HSPH1: variants seen among roughly 807,000 people sequenced by gnomAD.
The protein encoded by HSPH1 is heat shock protein 105 kDa.
A neutral mutation model predicts 100.0 loss-of-function variants in HSPH1; 40 were observed. The ratio of observed to expected loss-of-function variants is 0.40; its 90% CI spans 0.31 to 0.52. The LOEUF is 0.52. HSPH1 is among the 20% of genes least tolerant of loss of function. HSPH1 has a pLI of 0.54. For missense variants in HSPH1, 876 were observed against 1,015.1 expected, an observed-to-expected ratio of 0.86 and a Z score of 1.86; for synonymous variants, 403 against 344.0, an observed-to-expected ratio of 1.17 and a Z score of -1.90.
At chr13:31,162,017 GCTTC>G, upstream of HSPH1, 1 of 1,536,096 alleles carries the variant, frequency 6.5e-7, no homozygotes, top group Non-Finnish European at 8.7e-7. Context: ...TGCCACTTCC[GCTTC>G]CTTCTTCTCG....
chr13:31,147,231 C>T (rs1956295353), intron 10 of HSPH1, among the ~76,000 whole-genome samples: 1 of 152,106 alleles, frequency 6.6e-6, no homozygotes, highest in South Asian at 2.1e-4. Context: ...ATTTCTTTTC[C>T]TAAAAATAAA....
At chr13:31,158,434 A>G (rs1956776681) in intron 2 of HSPH1, among the ~76,000 whole-genome samples, 1 of 150,474 alleles carries the variant, frequency 6.6e-6, no homozygotes, top group Admixed American at 6.7e-5. Flanking sequence ...CTGTAATCCC[A>G]CCTACTCAGG....
chr13:31,150,331 T>A, intron 7 of HSPH1, 149 bp from the exon 8 acceptor site: 1 of 589,322 alleles, frequency 1.7e-6, no homozygotes, highest in Non-Finnish European at 3.0e-6. Context: ...ATAGCTCTTT[T>A]GTTTTTGATA....
At chr13:31,159,976 G>T (rs9563939) in intron 1 of HSPH1, among the ~76,000 whole-genome samples, 28,876 of 152,070 alleles carry the variant, frequency 0.19, 3,175 homozygotes, top group East Asian at 0.37. Flanking sequence ...CAAATTAATT[G>T]TACTAAATAA....
At position 31,137,278 on chromosome 13, in the gene HSPH1, A is replaced by G. The variant is rs1323730950; in HGVS notation, c.*40T>C. The stretch of plus-strand genomic sequence containing the variant: ...TGTAGAGTCACATACTATGGCAAAA[A>G]TATTTTATTAATTGAAGGAATAGGC... On this transcript the variant is annotated 3_prime_UTR_variant, in exon 18 of 18. Transcript: ENST00000320027. 7.9e-7 allele frequency: 1 copy of G among 1,268,470 alleles called. No individual in the cohort carries two copies. Among genetic ancestry groups the G allele is most frequent in the Admixed American group, 1.9e-5 (1 of 51,586 alleles). 78.6% of individuals were successfully genotyped at this position (1,268,470 alleles called of 1,614,324 possible).
intron 5 of HSPH1, 66 bp downstream of exon 5, chr13:31,152,785 TA>T: frequency 9.2e-7 from 1 of 1,082,304 alleles, no homozygotes; most frequent in South Asian, 1.3e-5. Context: ...TATAAGAAAG[TA>T]ATAGCACTGA....
Position 31,148,013 on chromosome 13 carries a change from G to T in HSPH1, c.1324C>A (p.Leu442Ile), listed in dbSNP as rs1256831828. 6.2e-7 allele frequency: 1 copy of T among 1,610,562 alleles called. No individual in the cohort carries two copies. Among genetic ancestry groups the T allele is most frequent in the Non-Finnish European group, 8.5e-7 (1 of 1,178,748 alleles). Residue 442 changes from leucine to isoleucine, a missense_variant, in exon 10 of 18, where the codon CTA (leucine) becomes ATA (isoleucine). Physicochemically the swap from Leu to Ile is conservative, Grantham distance 5 (BLOSUM62 2). Coordinates refer to ENST00000320027, the MANE Select transcript of HSPH1 (RefSeq NM_006644.4). ...LTFLRRGPFE[L>I]EAFYSDPQGV... ...TGGGGATCAGAATAGAAAGCTTCTA[G>T]CTCAAAAGGCCCCCTTCTCAGAAAG...
Position 31,139,054 on chromosome 13 carries a change from T to C in HSPH1, c.2034A>G (p.Glu678=), listed in dbSNP as rs1955990134. The change falls in exon 15 of 18, where the codon GAA becomes GAG. Residue 678 remains glutamate (E), a synonymous_variant. Transcript: ENST00000320027. ...CTTGTTTAGCTTGGTCCTCTCCTTC[T>C]TCATACAGCCAGTCTTCAGTTTCTG... ...LLTETEDWLY[E]EGEDQAKQAY... 6.2e-7 allele frequency: 1 copy of C among 1,613,294 alleles called. No individual in the cohort carries two copies. Among genetic ancestry groups the C allele is most frequent in the Middle Eastern group, 1.7e-4 (1 of 6,052 alleles).
chr13:31,160,504 T>C (rs1044072988), intron 1 of HSPH1, among the ~76,000 whole-genome samples: 2 of 152,230 alleles, frequency 1.3e-5, no homozygotes, highest in African/African-American at 4.8e-5. Flanking sequence ...AATTAATAGG[T>C]ACAGTATTTT....
chr13:31,138,611 A>G, intron 16 of HSPH1, 43 bp from the exon 17 acceptor site: 1 of 1,562,226 alleles, frequency 6.4e-7, no homozygotes, highest in Non-Finnish European at 8.7e-7. Flanking sequence ...TTTATTGAAC[A>G]ATAGTATCTC....
At chr13:31,153,038 TC>T in intron 4 of HSPH1, 87 bp from the exon 5 acceptor site, 1 of 895,250 alleles carries the variant, frequency 1.1e-6, no homozygotes, top group Non-Finnish European at 1.8e-6. Context: ...TTCACAACAG[TC>T]CAGCTAAGTA....
chr13:31,143,858 T>C lies in HSPH1; in HGVS notation c.1650A>G (p.Gln550=). ...CAGGTGAAGGGGGAGACTGTGAGGTTTGTTGAGCATCAGTTTGTACCTGGG... is the reference window on the plus strand; with the variant it reads ...CAGGTGAAGGGGGAGACTGTGAGGTCTGTTGAGCATCAGTTTGTACCTGGG... ...TQPQVQTDAQ[Q]TSQSPPSPEL... is the part of the protein sequence containing the mutation. Residue 550 remains glutamine, a synonymous_variant, in exon 12 of 18, where the codon CAA becomes CAG. Transcript: ENST00000320027. 1 of 1,611,906 alleles carries C rather than the reference T, an allele frequency of 6.2e-7. No homozygotes were observed. The highest frequency in any genetic ancestry group is 8.5e-7 in the Non-Finnish European group (1 of 1,178,742).
intron 10 of HSPH1, among the ~76,000 whole-genome samples, chr13:31,146,341 T>C (rs1362635934): frequency 6.6e-6 from 1 of 152,258 alleles, no homozygotes; most frequent in East Asian, 1.9e-4. Flanking sequence ...CTTTCAAAGG[T>C]AAGGGCACTC....
At position 31,147,971 on chromosome 13, in the gene HSPH1, C is replaced by T. The variant is rs1956328375; in HGVS notation, c.1366G>A (p.Glu456Lys). The T allele has an allele frequency of 1.9e-6, 3 of 1,585,894 alleles. No homozygotes were observed. The highest frequency in any genetic ancestry group is 2.6e-6 in the Non-Finnish European group (3 of 1,172,344). The change falls in exon 10 of 18, where the codon GAA becomes AAA. Residue 456 changes from glutamate to lysine, a missense_variant. Physicochemically the swap from Glu to Lys is moderately conservative, Grantham distance 56. Coordinates refer to ENST00000320027, the MANE Select transcript of HSPH1 (RefSeq NM_006644.4). ...ATGAACTCCTTACCTATTTTTGCTT[C>T]TGGATATGGAACTCCTTGGGGATCA... is the stretch of plus-strand genomic sequence containing the variant. ...YSDPQGVPYP[E>K]AKIGRFVVQN...
In HSPH1 at chr13:31,161,887, G is replaced by C; in HGVS notation, c.-305C>G. The stretch of plus-strand genomic sequence containing the variant: ...TGCCGCGGCTCGCACACCGGCGCCG[G>C]CGCTGAACTACCGACCCAAAAGGGG... On this transcript the variant is annotated 5_prime_UTR_variant, in exon 1 of 18. Coordinates refer to ENST00000320027, the MANE Select transcript of HSPH1 (RefSeq NM_006644.4). The C allele has an allele frequency of 1.3e-6, 2 of 1,492,554 alleles. No homozygotes were observed. Among genetic ancestry groups the C allele is most frequent in the Non-Finnish European group, 1.8e-6 (2 of 1,122,474 alleles). The allele number at this position is 1,492,554 out of a possible 1,614,324, so 92.5% of individuals were successfully genotyped here. A position where few individuals can be genotyped will look rare whatever the true frequency, so the allele number is the denominator to read the frequency against.
rs747476465 is a variant in HSPH1 at position 31,155,521 on chromosome 13, C to T, written c.299G>A (p.Gly100Glu). ...GTTGCTCAATTATATTACCTTTATT[C>T]CAACTCCACCATTTTTCAATGGAAC... ...DLVPLKNGGV[G>E]IKVMYMGEEH... The change falls in exon 3 of 18, where the codon GGA becomes GAA. Residue 100 changes from glycine (G) to glutamate (E), a missense_variant. Gly to Glu is a moderately conservative substitution (Grantham distance 98, BLOSUM62 -2). Transcript: ENST00000320027. The T allele has an allele frequency of 6.2e-7, 1 of 1,608,466 alleles. No homozygotes were observed. Among genetic ancestry groups the T allele is most frequent in the Admixed American group, 1.7e-5 (1 of 59,290 alleles).
chr13:31,151,421 TA>T, intron 6 of HSPH1, 187 bp downstream of exon 6: 1 of 681,524 alleles, frequency 1.5e-6, no homozygotes, highest in Non-Finnish European at 2.4e-6. Flanking sequence ...CAAGAACACT[TA>T]AGAGTATGCT....
chr13:31,161,681 G>A lies in HSPH1; in HGVS notation c.-99C>T, dbSNP rs779420545. 1 of 1,553,816 alleles carries A rather than the reference G, an allele frequency of 6.4e-7. No homozygotes were observed. Among genetic ancestry groups the A allele is most frequent in the Non-Finnish European group, 8.6e-7 (1 of 1,156,404 alleles). On this transcript the variant is annotated 5_prime_UTR_variant, in exon 1 of 18. Coordinates refer to ENST00000320027, the MANE Select transcript of HSPH1 (RefSeq NM_006644.4). The stretch of plus-strand genomic sequence containing the variant: ...CCGCTTTCTGCCCTGGCCGCGTTCT[G>A]CTCCGGCCCGCGGGGTCTGGCCGTT...
At chr13:31,149,149 G>A (rs1956384462) in intron 8 of HSPH1, among the ~76,000 whole-genome samples, 1 of 151,962 alleles carries the variant, frequency 6.6e-6, no homozygotes, top group Non-Finnish European at 1.5e-5. Context: ...GTTAATTAAG[G>A]AGGCATATTC....
Sources: gnomAD v4.1 joint callset for allele counts (sites outside exome capture counted in the v4.1 genomes callset) on GRCh38, gnomAD v4.1.1 for gene constraint, MANE v1.5 for transcripts, NCBI Gene and HGNC (gene_info 2026-07-23, HGNC 2026-07-21) for gene names.